The following HECW2 variants were observed in gnomAD, a reference collection of about 807,000 sequenced individuals.
The protein encoded by HECW2 is E3 ubiquitin-protein ligase HECW2.
HECW2 carries 61 observed loss-of-function variants against 175.2 expected under a neutral mutation model. The observed-to-expected ratio is 0.35, with a 90% CI of 0.28 to 0.43. The LOEUF (loss-of-function observed/expected upper bound fraction) is 0.43, where lower values mean the gene tolerates loss of function less well. HECW2 is among the 20% of genes least tolerant of loss of function. HECW2 has a pLI of 1.00. For missense variants in HECW2, 1,524 were observed against 2,000.5 expected (o/e 0.76, Z 4.54); for synonymous variants, 671 against 731.0 (o/e 0.92, Z 1.32).
In HECW2 at chr2:196,322,573, A is replaced by T; in HGVS notation, c.789T>A (p.Ile263=). 6.2e-7 allele frequency: 1 copy of T among 1,613,450 alleles called. No individual in the cohort carries two copies. Among genetic ancestry groups the T allele is most frequent in the Non-Finnish European group, 8.5e-7 (1 of 1,179,390 alleles). ...ALLTDVLEIE[I]KDKFAKSRPI... is the part of the protein sequence containing the mutation. ...GACGGCTCTTGGCAAATTTGTCTTT[A>T]ATTTCAATTTCTAAGACATCAGTAA... The change falls in exon 7 of 29, where the codon ATT becomes ATA. Residue 263 remains isoleucine (I), a synonymous_variant. Transcript: ENST00000644978.
At chr2:196,291,502 AT>A (rs1690602760) in intron 14 of HECW2, 1 of 152,252 alleles carries the variant, frequency 6.6e-6, no homozygotes, top group Admixed American at 6.5e-5. Context: ...CTCAACAAAT[AT>A]TTGTTGAACA....
intron 1 of HECW2, among the ~76,000 whole-genome samples, chr2:196,470,284 A>G (rs868523637): frequency 4.0e-5 from 6 of 151,880 alleles, no homozygotes; most frequent in Non-Finnish European, 5.9e-5. Context: ...ATGGAGCAAG[A>G]CCTTGTCTCC....
chr2:196,540,924 G>A (rs1689190767), intron 1 of HECW2, among the ~76,000 whole-genome samples: 1 of 152,136 alleles, frequency 6.6e-6, no homozygotes, highest in Non-Finnish European at 1.5e-5. Context: ...GAACTAGAAA[G>A]AAAAAACAAA....
chr2:196,448,878 T>C (rs942201257), intron 1 of HECW2, among the ~76,000 whole-genome samples: 2 of 152,172 alleles, frequency 1.3e-5, no homozygotes, highest in Non-Finnish European at 2.9e-5. Flanking sequence ...AGCAGCTCAA[T>C]ACAAATCACA....
intron 13 of HECW2, among the ~76,000 whole-genome samples, chr2:196,300,133 A>G (rs1467611593): frequency 6.6e-6 from 1 of 150,714 alleles, no homozygotes; most frequent in Non-Finnish European, 1.5e-5. Flanking sequence ...CAGGAAATGC[A>G]ATATCAGGGC....
rs764522709 is a variant in HECW2 at position 196,334,453 on chromosome 2, A to AG, written c.465dup (p.Cys156LeufsTer31). The AG allele has an allele frequency of 6.2e-7, 1 of 1,610,262 alleles. No homozygotes were observed. Among genetic ancestry groups the AG allele is most frequent in the South Asian group, 1.1e-5 (1 of 90,130 alleles). The stretch of plus-strand genomic sequence containing the variant: ...ACAGCTGGGTTCTTCACGGTGATGC[A>AG]GGGGGTCGTGGCTCGCAGGGCTCCA... On this transcript the variant is annotated frameshift_variant, in exon 4 of 29. Transcript: ENST00000644978. LOFTEE classifies it high-confidence loss of function.
At chr2:196,572,802 C>T (rs1191918534) in intron 1 of HECW2, among the ~76,000 whole-genome samples, 1 of 152,112 alleles carries the variant, frequency 6.6e-6, no homozygotes, top group Non-Finnish European at 1.5e-5. Flanking sequence ...TCTACACAGC[C>T]ACAAGACAGC....
chr2:196,236,238 C>G (rs1180684105), intron 21 of HECW2, among the ~76,000 whole-genome samples: 1 of 152,138 alleles, frequency 6.6e-6, no homozygotes, highest in Non-Finnish European at 1.5e-5. Context: ...CATATACATA[C>G]CAAAATTTAC....
At chr2:196,405,701 A>G (rs1371084758) in intron 2 of HECW2, among the ~76,000 whole-genome samples, 2 of 152,150 alleles carry the variant, frequency 1.3e-5, no homozygotes, top group African/African-American at 4.8e-5. Context: ...GTGCAAACAT[A>G]CCAGATATCT....
chr2:196,356,082 G>C (rs142471381), intron 2 of HECW2, among the ~76,000 whole-genome samples: 127 of 152,318 alleles, frequency 8.3e-4, no homozygotes, highest in African/African-American at 2.9e-3. Context: ...CAGAGAGTGG[G>C]AGAAGAAGAC....
intron 22 of HECW2, among the ~76,000 whole-genome samples, chr2:196,227,436 A>G (rs1687892332): frequency 6.6e-6 from 1 of 152,210 alleles, no homozygotes; most frequent in South Asian, 2.1e-4. Flanking sequence ...GGGAATCCTA[A>G]ATCAGTTTCC....
At chr2:196,206,404 C>T (rs1359623218) in intron 28 of HECW2, among the ~76,000 whole-genome samples, 1 of 152,114 alleles carries the variant, frequency 6.6e-6, no homozygotes, top group Non-Finnish European at 1.5e-5. Flanking sequence ...ACATGCTTAC[C>T]CTCCCTTTTT....
intron 7 of HECW2, among the ~76,000 whole-genome samples, chr2:196,321,960 C>T (rs758556566): frequency 2.6e-5 from 4 of 152,182 alleles, no homozygotes; most frequent in Non-Finnish European, 5.9e-5. Flanking sequence ...ACATTAATTA[C>T]ACATTAAATT....
chr2:196,585,049 G>A (rs982883623), intron 1 of HECW2, among the ~76,000 whole-genome samples: 2 of 152,092 alleles, frequency 1.3e-5, no homozygotes, highest in African/African-American at 2.4e-5. Context: ...TGTGGCATAT[G>A]GTTTTACTTG....
rs1464341716 is a variant in HECW2, at chr2:196,318,763, C to G, written c.2127G>C (p.Val709=). 1 of 1,527,128 alleles carries G rather than the reference C, an allele frequency of 6.5e-7. No homozygotes were observed. Among genetic ancestry groups the G allele is most frequent in the South Asian group, 1.3e-5 (1 of 76,744 alleles). The allele number at this position is 1,527,128 out of a possible 1,614,324, so 94.6% of individuals were successfully genotyped here. Residue 709 remains valine (V), a synonymous_variant, in exon 9 of 29, where the codon GTG becomes GTC. Coordinates refer to ENST00000644978, the MANE Select transcript of HECW2 (RefSeq NM_001348768.2). Reference sequence around the variant, plus strand: ...CATCCTCCCCACTGGGCACCTGTACCACAGGTAAAGAACCAGCAGTGCACA... The same window carrying G: ...CATCCTCCCCACTGGGCACCTGTACGACAGGTAAAGAACCAGCAGTGCACA... ...ESVCTAGSLP[V]VQVPSGEDEG... is the part of the protein sequence containing the mutation.
At chr2:196,369,283 C>T (rs1387740474) in intron 2 of HECW2, among the ~76,000 whole-genome samples, 2 of 151,196 alleles carry the variant, frequency 1.3e-5, no homozygotes, top group Non-Finnish European at 2.9e-5. Flanking sequence ...TAGAAGAATT[C>T]TGTGGATTAC....
intron 21 of HECW2, among the ~76,000 whole-genome samples, chr2:196,232,043 G>A (rs1688078727): frequency 1.3e-5 from 2 of 152,082 alleles, no homozygotes; most frequent in Non-Finnish European, 2.9e-5. Flanking sequence ...CAACCTCAAG[G>A]AGTGGGTAGA....
At chr2:196,314,718 G>A (rs1691625193) in intron 10 of HECW2, among the ~76,000 whole-genome samples, 1 of 152,180 alleles carries the variant, frequency 6.6e-6, no homozygotes, top group Non-Finnish European at 1.5e-5. Flanking sequence ...TTTGTAAAGT[G>A]TAAATCACCG....
At chr2:196,588,889 A>G (rs1383402599) in intron 1 of HECW2, among the ~76,000 whole-genome samples, 4 of 152,086 alleles carry the variant, frequency 2.6e-5, no homozygotes, top group Non-Finnish European at 4.4e-5. Context: ...TTTAAATTAC[A>G]TAGTCATCCT....
Sources: gnomAD v4.1 joint callset for allele counts (sites outside exome capture counted in the v4.1 genomes callset) on GRCh38, gnomAD v4.1.1 for gene constraint, MANE v1.5 for transcripts, NCBI Gene and HGNC (gene_info 2026-07-23, HGNC 2026-07-21) for gene names.